Variants in SERPINB11 observed in about 807,000 individuals in gnomAD.
SERPINB11 encodes the protein serpin family B member 11, also known as serpin B11.
Under a neutral mutation model 36.7 loss-of-function variants are expected in SERPINB11, and 32 were observed. The ratio of observed to expected loss-of-function variants is 0.87; its 90% CI spans 0.66 to 1.17. The LOEUF (loss-of-function observed/expected upper bound fraction) is 1.17, where lower values mean the gene tolerates loss of function less well. SERPINB11 is among the 50% of genes most tolerant of loss of function. The pLI, the probability that SERPINB11 is intolerant of heterozygous loss-of-function variation, is 0.00. For missense variants in SERPINB11, 528 were observed against 458.4 expected (o/e 1.15, Z -1.39); for synonymous variants, 174 against 168.1 (o/e 1.04, Z -0.27).
intron 5 of SERPINB11, among the ~76,000 whole-genome samples, chr18:63,717,947 A>T (rs1914711248): frequency 1.3e-5 from 2 of 151,998 alleles, no homozygotes; most frequent in Admixed American, 1.3e-4. Flanking sequence ...ATATTTTCGT[A>T]TGTTATTTTC....
intron 1 of SERPINB11, among the ~76,000 whole-genome samples, chr18:63,708,792 A>T (rs1398665913): frequency 1.3e-5 from 2 of 152,194 alleles, no homozygotes; most frequent in Non-Finnish European, 2.9e-5. Context: ...GGATGAGATC[A>T]CCCAGGGTAT....
chr18:63,714,800 C>T (rs1032920623), intron 4 of SERPINB11, among the ~76,000 whole-genome samples: 2 of 151,984 alleles, frequency 1.3e-5, no homozygotes, highest in Non-Finnish European at 2.9e-5. Flanking sequence ...GTGCAGTTAA[C>T]GCAATCATCA....
intron 4 of SERPINB11, among the ~76,000 whole-genome samples, chr18:63,713,679 G>A (rs888256815): frequency 6.6e-6 from 1 of 152,162 alleles, no homozygotes; most frequent in African/African-American, 2.4e-5. Flanking sequence ...GAAGCATATA[G>A]GGAACGATGT....
rs763954981 is a variant in SERPINB11 at position 63,723,128 on chromosome 18, C to T, written c.908C>T (p.Ser303Phe). ...TKYELNSLLK[S>F]LGVTDLFNQV... The stretch of plus-strand genomic sequence containing the variant: ...TATGAGCTAAATTCCCTGTTAAAAT[C>T]TCTAGGGGTGACAGATCTCTTCAAC... Residue 303 changes from serine to phenylalanine, a missense_variant, in exon 8 of 8, where the codon TCT becomes TTT. Coordinates refer to ENST00000544088, the MANE Select transcript of SERPINB11 (RefSeq NM_001370475.1). The T allele has an allele frequency of 6.2e-7, 1 of 1,609,322 alleles. No homozygotes were observed. The highest frequency in any genetic ancestry group is 8.5e-7 in the Non-Finnish European group (1 of 1,177,412).
chr18:63,718,621 T>G (rs1218480533), intron 5 of SERPINB11, among the ~76,000 whole-genome samples: 1 of 152,070 alleles, frequency 6.6e-6, no homozygotes, highest in Non-Finnish European at 1.5e-5. Flanking sequence ...TTAACATTGC[T>G]GAATTCACTT....
Position 63,710,217 on chromosome 18 carries a change from C to A in SERPINB11, c.24C>A (p.Asn8Lys), listed in dbSNP as rs116170504. MGSLSTA[N>K]VEFCLDVFKE... ...AAATGGGTTCTCTCAGCACAGCTAA[C>A]GTTGAATTTTGCCTTGATGTGTTCA... The change falls in exon 2 of 8, where the codon AAC becomes AAA. Residue 8 changes from asparagine to lysine, a missense_variant. Asn to Lys is a moderately conservative substitution (Grantham distance 94). Transcript: ENST00000544088. The A allele has an allele frequency of 1.2e-6, 2 of 1,611,104 alleles. No homozygotes were observed. Among genetic ancestry groups the A allele is most frequent in the Non-Finnish European group, 1.7e-6 (2 of 1,178,780 alleles).
chr18:63,702,868 A>T (rs1027141766), upstream of SERPINB11: 3 of 152,276 alleles, frequency 2.0e-5, no homozygotes, highest in East Asian at 3.9e-4. Context: ...CTTTCCAACC[A>T]GCAGGTGAAG....
At chr18:63,712,462 C>G (rs1325877251) in intron 3 of SERPINB11, 103 bp from the exon 4 acceptor site, 5 of 1,246,594 alleles carry the variant, frequency 4.0e-6, no homozygotes, top group Non-Finnish European at 5.7e-6. Context: ...ATTCACAGCC[C>G]TTTTATTCAG....
chr18:63,723,014 C>T lies in SERPINB11; in HGVS notation c.794C>T (p.Ser265Leu), dbSNP rs751122140. 3.9e-5 allele frequency: 62 copies of T among 1,576,638 alleles called. 1 individual carries two copies. The South Asian group carries it at 4.0e-4, about 10-fold the overall frequency. ...TCTTAGATAGAAAAGCAGCTGAATT[C>T]GGGGACGTTTCATGAGTGGACAAGC... ...NLKQIEKQLN[S>L]GTFHEWTSSS... The change falls in exon 8 of 8, where the codon TCG becomes TTG. Residue 265 changes from serine to leucine, a missense_variant. Physicochemically the swap from Ser to Leu is moderately radical, Grantham distance 145. Transcript: ENST00000544088.
intron 1 of SERPINB11, among the ~76,000 whole-genome samples, chr18:63,707,627 A>C (rs1378354338): frequency 3.3e-5 from 5 of 152,212 alleles, no homozygotes; most frequent in Admixed American, 3.3e-4. Context: ...TATCTCCTCC[A>C]GGAAGGCTAA....
At chr18:63,717,202 T>C (rs957335271) in intron 5 of SERPINB11, among the ~76,000 whole-genome samples, 4 of 152,072 alleles carry the variant, frequency 2.6e-5, no homozygotes, top group African/African-American at 9.7e-5. Flanking sequence ...TAGTTACACA[T>C]TGCATGGTTT....
chr18:63,707,603 A>G (rs147795404), intron 1 of SERPINB11, among the ~76,000 whole-genome samples: 5 of 152,330 alleles, frequency 3.3e-5, no homozygotes, highest in Non-Finnish European at 5.9e-5. Context: ...TTCTTCTAGA[A>G]GCAGCAGGGA....
At chr18:63,714,193 C>T (rs1055416098) in intron 4 of SERPINB11, among the ~76,000 whole-genome samples, 2 of 152,040 alleles carry the variant, frequency 1.3e-5, no homozygotes, top group African/African-American at 4.8e-5. Flanking sequence ...CATGAAGCCC[C>T]CCAAGCCGCA....
intron 5 of SERPINB11, among the ~76,000 whole-genome samples, chr18:63,719,200 A>G (rs909771035): frequency 6.6e-6 from 1 of 152,086 alleles, no homozygotes; most frequent in Admixed American, 6.6e-5. Flanking sequence ...CACATGTTAT[A>G]TATTTATGTA....
chr18:63,717,449 G>A lies in SERPINB11; in HGVS notation c.475+1297G>A, dbSNP rs1014361018. ...TACATTCAATTGTAGTAGATGCCAA[G>A]CAATTTTCTTAAGTGGTTGTGTCAA... On this transcript the variant is annotated intron_variant, in intron 5 of 7. Transcript: ENST00000544088. Among the ~76,000 whole-genome samples the A allele has an allele frequency of 9.2e-5, 14 of 152,118 alleles. 1 individual carries two copies. In the South Asian group the frequency reaches 1.7e-3, roughly 18 times the overall value.
chr18:63,721,517 T>C (rs185455813), intron 7 of SERPINB11, among the ~76,000 whole-genome samples: 82 of 152,342 alleles, frequency 5.4e-4, no homozygotes, highest in African/African-American at 1.9e-3. Context: ...CTGCCCAGCA[T>C]AGAGCAGGCT....
chr18:63,713,749 G>A (rs533514881), intron 4 of SERPINB11, among the ~76,000 whole-genome samples: 14 of 152,266 alleles, frequency 9.2e-5, no homozygotes, highest in Middle Eastern at 3.4e-3. Flanking sequence ...TGGTATGCCC[G>A]CTCTCTTGAC....
rs371346608 is a variant in SERPINB11 at position 63,716,032 on chromosome 18, T to C, written c.358-3T>C. The C allele has an allele frequency of 1.0e-5, 16 of 1,583,026 alleles. No individual in the cohort carries two copies. The highest frequency in any genetic ancestry group is 1.2e-5 in the Non-Finnish European group (14 of 1,154,962). Reference sequence around the variant, plus strand: ...TGTTGTTCAATTATCATGTCTTTCATAGCAATATTTAAGCTGTTCTGAGAA... The same window carrying C: ...TGTTGTTCAATTATCATGTCTTTCACAGCAATATTTAAGCTGTTCTGAGAA... On this transcript the variant is annotated splice_polypyrimidine_tract_variant and splice_region_variant and intron_variant, in intron 4 of 7. Transcript: ENST00000544088.
At chr18:63,718,792 A>T (rs1914731570) in intron 5 of SERPINB11, among the ~76,000 whole-genome samples, 1 of 152,094 alleles carries the variant, frequency 6.6e-6, no homozygotes, top group African/African-American at 2.4e-5. Flanking sequence ...GTAATAGGTG[A>T]CCAGATTAAA....
Sources: allele counts gnomAD v4.1 joint callset (sites outside exome capture counted in the v4.1 genomes callset), GRCh38; gene constraint gnomAD v4.1.1; transcripts MANE v1.5; gene names NCBI Gene and HGNC (gene_info 2026-07-23, HGNC 2026-07-21).